The following ADCY10 variants were observed in gnomAD, a reference collection of about 807,000 sequenced individuals.
ADCY10 encodes adenylate cyclase 10, also known as adenylate cyclase type 10.
ADCY10 carries 156 observed loss-of-function variants against 183.3 expected under a neutral mutation model. That is an observed-to-expected ratio of 0.85 (90% CI 0.75 to 0.97). The LOEUF is 0.97. ADCY10 is among the 50% of genes least tolerant of loss of function. The pLI is 0.00. For missense variants in ADCY10, 1,745 were observed against 1,934.3 expected, an observed-to-expected ratio of 0.90 and a Z score of 1.84; for synonymous variants, 645 against 670.0, an observed-to-expected ratio of 0.96 and a Z score of 0.58.
At chr1:167,832,948 G>T in intron 25 of ADCY10, 39 bp downstream of exon 25, 5 of 1,605,762 alleles carry the variant, frequency 3.1e-6, no homozygotes, top group Non-Finnish European at 4.3e-6. Context: ...TCTGGGGAGT[G>T]AGACTAAACA....
At chr1:167,882,171 C>A (rs1476653396) in intron 9 of ADCY10, among the ~76,000 whole-genome samples, 1 of 152,176 alleles carries the variant, frequency 6.6e-6, no homozygotes, top group Non-Finnish European at 1.5e-5. Flanking sequence ...CATCACATCA[C>A]TTTTCTCTGA....
chr1:167,854,282 G>A (rs1665720782), intron 18 of ADCY10, 71 bp downstream of exon 18: 1 of 1,598,928 alleles, frequency 6.3e-7, no homozygotes, highest in African/African-American at 1.3e-5. Flanking sequence ...GCTCATTTTT[G>A]CTACCTTCTC....
intron 1 of ADCY10, among the ~76,000 whole-genome samples, chr1:167,909,442 A>G (rs1670015486): frequency 6.6e-6 from 1 of 152,208 alleles, no homozygotes; most frequent in South Asian, 2.1e-4. Flanking sequence ...GTTAAACTTT[A>G]GTACAGGCTT....
rs7517582 is a variant in ADCY10, at chr1:167,832,673, A to G, written c.3593+314T>C. ...GGAGCAGTGGTGCAGGTTCCATCCA[A>G]TGAGAACACGGATGGCCATGGGGGT... is the stretch of plus-strand genomic sequence containing the variant. On this transcript the variant is annotated intron_variant, in intron 25 of 32. Coordinates refer to ENST00000367851, the MANE Select transcript of ADCY10 (RefSeq NM_018417.6). Among the ~76,000 whole-genome samples, 567 of 152,254 alleles carry G rather than the reference A, an allele frequency of 3.7e-3. 6 individuals carry two copies. The highest frequency in any genetic ancestry group is 0.013 in the African/African-American group (536 of 41,536).
At chr1:167,886,488 T>A (rs1404772189) in intron 8 of ADCY10, among the ~76,000 whole-genome samples, 3 of 152,212 alleles carry the variant, frequency 2.0e-5, no homozygotes, top group African/African-American at 4.8e-5. Flanking sequence ...GAAAACTGGC[T>A]AGCCATATGT....
At position 167,845,988 on chromosome 1, in the gene ADCY10, T is replaced by A. The variant is rs1664994071; in HGVS notation, c.2713A>T (p.Met905Leu). ...GGTCACTCCAGGTGCTACTCACCCA[T>A]CCCTTCACTGGGCTTCAGAGACAAG... ...RSLSLKPSEG[M>L]DHGEEEQLRE... Residue 905 changes from methionine (M) to leucine (L), a missense_variant, in exon 20 of 33, where the codon ATG becomes TTG. Met to Leu is a conservative substitution (Grantham distance 15). Transcript: ENST00000367851. 1 of 1,614,098 alleles carries A rather than the reference T, an allele frequency of 6.2e-7. No individual in the cohort carries two copies. Among genetic ancestry groups the A allele is most frequent in the Non-Finnish European group, 8.5e-7 (1 of 1,180,056 alleles).
At chr1:167,902,732 T>A (rs1398405030) in intron 3 of ADCY10, among the ~76,000 whole-genome samples, 1 of 152,194 alleles carries the variant, frequency 6.6e-6, no homozygotes, top group Admixed American at 6.5e-5. Context: ...GGCCAGGAGT[T>A]CACCATAACA....
At chr1:167,902,157 G>A in intron 3 of ADCY10, 103 bp from the exon 4 acceptor site, 1 of 1,142,844 alleles carries the variant, frequency 8.8e-7, no homozygotes, top group Non-Finnish European at 1.3e-6. Context: ...AAAGAACAGT[G>A]ATTCAGAGAA....
rs1164023409 is a variant in ADCY10 at position 167,914,118 on chromosome 1, A to T, written c.-201T>A. On this transcript the variant is annotated 5_prime_UTR_variant, in exon 1 of 33. Transcript: ENST00000367851. ...CATGTCTGTCTATAGCTGACCCATA[A>T]AATGACAGTTTTGTCTAAAAGCCGT... is the stretch of plus-strand genomic sequence containing the variant. 6.6e-6 allele frequency: 1 copy of T among 152,214 alleles called. No homozygotes were observed. The allele number at this position is 152,214 out of a possible 1,614,324, so 9.4% of individuals were successfully genotyped here. A position where few individuals can be genotyped will look rare whatever the true frequency, so the allele number is the denominator to read the frequency against.
rs1571285354 is a variant in ADCY10 at position 167,845,827 on chromosome 1, C to T, written c.2743G>A (p.Glu915Lys). The T allele has an allele frequency of 6.2e-7, 1 of 1,614,128 alleles. No homozygotes were observed. ...MDHGEEEQLR[E>K]LENEVIECHR... Reference sequence around the variant, plus strand: ...CACTCGATCACCTCATTCTCCAGTTCACGAAGCTGTTCCTCTTCACCGTGA... The same window carrying T: ...CACTCGATCACCTCATTCTCCAGTTTACGAAGCTGTTCCTCTTCACCGTGA... The change falls in exon 21 of 33, where the codon GAA becomes AAA. Residue 915 changes from glutamate (E) to lysine (K), a missense_variant. Physicochemically the swap from Glu to Lys is moderately conservative, Grantham distance 56 (BLOSUM62 1). Coordinates refer to ENST00000367851, the MANE Select transcript of ADCY10 (RefSeq NM_018417.6).
rs368843231 is a variant in ADCY10 at position 167,839,967 on chromosome 1, C to T, written c.3008-2649G>A. Among the ~76,000 whole-genome samples the T allele has an allele frequency of 1.1e-4, 16 of 151,966 alleles. No individual in the cohort carries two copies. The East Asian group carries it at 1.9e-3, about 18-fold the overall frequency. On this transcript the variant is annotated intron_variant, in intron 21 of 32. Transcript: ENST00000367851. ...AGGCACAGTGGCTCATCCCTATAAT[C>T]CCAACACTTTGGGAGGCTGAGGTGG...
rs1407972661 is a variant in ADCY10, at chr1:167,883,458, A to G, written c.999T>C (p.Asn333=). Residue 333 remains asparagine (N), a synonymous_variant, in exon 9 of 33, where the codon AAT becomes AAC. Coordinates refer to ENST00000367851, the MANE Select transcript of ADCY10 (RefSeq NM_018417.6). The stretch of plus-strand genomic sequence containing the variant: ...TTACCTTGTCAAACATGAAGACTTT[A>G]TTGATTTGGCCTTGGAAGATCTTCA... The part of the protein sequence containing the change: ...SVLKIFQGQI[N]KVFMFDKGCS... 1.2e-6 allele frequency: 2 copies of G among 1,614,230 alleles called. No individual in the cohort carries two copies. Among genetic ancestry groups the G allele is most frequent in the Non-Finnish European group, 1.7e-6 (2 of 1,180,036 alleles).
At chr1:167,818,411 C>A (rs1399754495) in intron 30 of ADCY10, 144 bp from the exon 31 acceptor site, 2 of 801,548 alleles carry the variant, frequency 2.5e-6, no homozygotes, top group Non-Finnish European at 2.2e-6. Flanking sequence ...GCTTCACACT[C>A]CCTAAAAAAG....
At chr1:167,868,468 TG>T (rs2089181607) in intron 14 of ADCY10, among the ~76,000 whole-genome samples, 1 of 152,188 alleles carries the variant, frequency 6.6e-6, no homozygotes, top group South Asian at 2.1e-4. Context: ...AACAGTTACA[TG>T]GTGGAGTTCA....
intron 2 of ADCY10, 28 bp downstream of exon 2, chr1:167,904,965 A>G (rs762125679): frequency 2.5e-6 from 4 of 1,614,232 alleles, no homozygotes; most frequent in South Asian, 2.2e-5. Flanking sequence ...GCTCATCCAC[A>G]TTAAACAAAC....
chr1:167,859,184 C>A (rs1666115621), intron 16 of ADCY10, among the ~76,000 whole-genome samples: 1 of 152,134 alleles, frequency 6.6e-6, no homozygotes, highest in Admixed American at 6.6e-5. Context: ...ATATACAAGG[C>A]TCTTAGGAAT....
chr1:167,906,231 A>G (rs1669804319), intron 1 of ADCY10, among the ~76,000 whole-genome samples: 1 of 152,184 alleles, frequency 6.6e-6, no homozygotes, highest in African/African-American at 2.4e-5. Flanking sequence ...TATATAGTAT[A>G]CATTTAAAAA....
intron 15 of ADCY10, 98 bp from the exon 16 acceptor site, chr1:167,859,991 TA>T: frequency 1.1e-6 from 1 of 933,898 alleles, no homozygotes; most frequent in South Asian, 1.3e-5. Flanking sequence ...TTCTGTGTCT[TA>T]AAATCCTCAT....
At position 167,880,146 on chromosome 1, in the gene ADCY10, G is replaced by T. The variant is rs757261904; in HGVS notation, c.1185C>A (p.Ile395=). The T allele has an allele frequency of 1.2e-6, 2 of 1,613,314 alleles. No individual in the cohort carries two copies. The highest frequency in any genetic ancestry group is 1.7e-6 in the Non-Finnish European group (2 of 1,179,782). Reference sequence around the variant, plus strand: ...ACTCGTGTCTCACAGTGTGTCCAACGATCCCACAGAAGACAATCCCACTGG... The same window carrying T: ...ACTCGTGTCTCACAGTGTGTCCAACTATCCCACAGAAGACAATCCCACTGG... ...GVASGIVFCG[I]VGHTVRHEYT... Residue 395 remains isoleucine, a synonymous_variant, in exon 11 of 33, where the codon ATC becomes ATA. Coordinates refer to ENST00000367851, the MANE Select transcript of ADCY10 (RefSeq NM_018417.6).
Sources: gnomAD v4.1 joint callset for allele counts (sites outside exome capture counted in the v4.1 genomes callset) on GRCh38, gnomAD v4.1.1 for gene constraint, MANE v1.5 for transcripts, NCBI Gene and HGNC (gene_info 2026-07-23, HGNC 2026-07-21) for gene names.